Variants in ADCY10 observed in about 807,000 individuals in gnomAD.
ADCY10 encodes adenylate cyclase 10.
In ADCY10, 156 loss-of-function variants were observed where a neutral mutation model predicts 183.3. That is an observed-to-expected ratio of 0.85 (90% CI 0.75 to 0.97). ADCY10 has a LOEUF of 0.97. ADCY10 is among the 50% of genes least tolerant of loss of function. ADCY10 has a pLI of 0.00. For missense variants in ADCY10, 1,745 were observed against 1,934.3 expected, an observed-to-expected ratio of 0.90 and a Z score of 1.84; for synonymous variants, 645 against 670.0, an observed-to-expected ratio of 0.96 and a Z score of 0.58.
At chr1:167,856,718 G>A (rs965485325) in intron 16 of ADCY10, among the ~76,000 whole-genome samples, 3 of 152,172 alleles carry the variant, frequency 2.0e-5, no homozygotes, top group Admixed American at 2.0e-4. Context: ...GGAGTTTTAG[G>A]GGTACCCACA....
chr1:167,842,905 T>G (rs1179145548), intron 21 of ADCY10, among the ~76,000 whole-genome samples: 2 of 152,170 alleles, frequency 1.3e-5, no homozygotes, highest in African/African-American at 2.4e-5. Context: ...AACAGCTAAA[T>G]TAAAAATGTT....
In ADCY10 at chr1:167,905,599, T is replaced by TAAA. The variant is rs34148403; in HGVS notation, c.-58-404_-58-402dup. On this transcript the variant is annotated intron_variant, in intron 1 of 32. Coordinates refer to ENST00000367851, the MANE Select transcript of ADCY10 (RefSeq NM_018417.6). Reference sequence around the variant, plus strand: ...TTGGTCTTTTACTTTTTTCTCTCTTTAAAAAAAAAAAAAGTGTAGATGTGA... The same window carrying TAAA: ...TTGGTCTTTTACTTTTTTCTCTCTTTAAAAAAAAAAAAAAAAGTGTAGATGTGA... 5.0e-3 allele frequency among the ~76,000 whole-genome samples: 726 copies of TAAA among 145,882 alleles called. 5 individuals carry two copies. The highest frequency in any genetic ancestry group is 0.017 in the African/African-American group (679 of 39,972).
At chr1:167,908,188 T>C (rs1252889923) in intron 1 of ADCY10, among the ~76,000 whole-genome samples, 1 of 152,138 alleles carries the variant, frequency 6.6e-6, no homozygotes, top group African/African-American at 2.4e-5. Flanking sequence ...AAGAAAACAT[T>C]GGATAATGTA....
intron 3 of ADCY10, among the ~76,000 whole-genome samples, chr1:167,902,632 C>T (rs376570876): frequency 6.6e-6 from 1 of 152,206 alleles, no homozygotes; most frequent in Non-Finnish European, 1.5e-5. Flanking sequence ...AAGGAATCAA[C>T]CATAGTTCCT....
rs1268044767 is a variant in ADCY10 at position 167,833,070 on chromosome 1, G to A, written c.3510C>T (p.Ile1170=). The part of the protein sequence containing the change: ...LLNRIFPYNL[I]SLFLHIHVEK... ...CGACATGGATATGGAGAAACAAGGAGATTAAGTTGTAAGGAAAGATTCGGT... is the reference window on the plus strand; with the variant it reads ...CGACATGGATATGGAGAAACAAGGAAATTAAGTTGTAAGGAAAGATTCGGT... The change falls in exon 25 of 33, where the codon ATC becomes ATT. Residue 1170 remains isoleucine, a synonymous_variant. Transcript: ENST00000367851. 7.4e-6 allele frequency: 12 copies of A among 1,614,058 alleles called. No homozygotes were observed. In the African/African-American group the frequency reaches 1.5e-4, roughly 20 times the overall value.
chr1:167,837,525 C>G (rs546459018), intron 21 of ADCY10, among the ~76,000 whole-genome samples: 9 of 152,330 alleles, frequency 5.9e-5, no homozygotes, highest in Non-Finnish European at 1.3e-4. Flanking sequence ...TATGTCACCT[C>G]TAGGCTAAGA....
At chr1:167,909,303 C>T (rs2102478214) in intron 1 of ADCY10, among the ~76,000 whole-genome samples, 1 of 152,124 alleles carries the variant, frequency 6.6e-6, no homozygotes, top group Admixed American at 6.5e-5. Flanking sequence ...TGGGTTGTTC[C>T]CACTTTTAGA....
chr1:167,902,099 G>T, intron 3 of ADCY10, 45 bp from the exon 4 acceptor site: 2 of 1,570,634 alleles, frequency 1.3e-6, no homozygotes, highest in South Asian at 1.1e-5. Flanking sequence ...ATTCCTTAAA[G>T]GTAGTAAAAA....
intron 6 of ADCY10, 69 bp downstream of exon 6, chr1:167,899,354 G>T: frequency 6.7e-7 from 1 of 1,492,234 alleles, no homozygotes; most frequent in Non-Finnish European, 9.3e-7. Context: ...CGTGCCCAGT[G>T]ACTCTTCTGG....
At chr1:167,891,421 C>T (rs1668578529) in intron 8 of ADCY10, among the ~76,000 whole-genome samples, 1 of 151,764 alleles carries the variant, frequency 6.6e-6, no homozygotes, top group African/African-American at 2.4e-5. Context: ...CTTTGGGAGG[C>T]TGAGGCGGGA....
chr1:167,860,469 T>G (rs1458610014), intron 15 of ADCY10, among the ~76,000 whole-genome samples: 3 of 152,194 alleles, frequency 2.0e-5, no homozygotes, highest in African/African-American at 7.2e-5. Flanking sequence ...GGTTGCCTCC[T>G]GCTGTGTGGT....
intron 17 of ADCY10, among the ~76,000 whole-genome samples, 177 bp from the exon 18 acceptor site, chr1:167,854,666 CAAT>C (rs571364155): frequency 1.5e-3 from 233 of 152,254 alleles, no homozygotes; most frequent in African/African-American, 5.5e-3. Flanking sequence ...TGTGTGTACA[CAAT>C]AAGTGTGCAC....
intron 12 of ADCY10, among the ~76,000 whole-genome samples, chr1:167,877,760 T>A (rs894966330): frequency 1.3e-4 from 20 of 152,230 alleles, no homozygotes; most frequent in African/African-American, 4.3e-4. Context: ...GATGGGGAAT[T>A]CATAGAGGAA....
chr1:167,909,636 A>G (rs1022790628), intron 1 of ADCY10, among the ~76,000 whole-genome samples: 5 of 152,060 alleles, frequency 3.3e-5, no homozygotes, highest in African/African-American at 7.2e-5. Context: ...TCCTCTTCCA[A>G]TTGTGCCCCA....
chr1:167,814,559 A>G (rs1290249977), intron 31 of ADCY10, among the ~76,000 whole-genome samples: 1 of 152,074 alleles, frequency 6.6e-6, no homozygotes, highest in Non-Finnish European at 1.5e-5. Flanking sequence ...CAGTTCTATA[A>G]TAGTAGTTGG....
intron 1 of ADCY10, among the ~76,000 whole-genome samples, chr1:167,910,325 T>C (rs1328391738): frequency 6.6e-6 from 1 of 152,228 alleles, no homozygotes; most frequent in African/African-American, 2.4e-5. Context: ...CTGAAGTTCA[T>C]TGACCTCTTT....
chr1:167,819,004 T>C (rs1026719053), intron 30 of ADCY10, among the ~76,000 whole-genome samples: 2 of 152,208 alleles, frequency 1.3e-5, no homozygotes, highest in Non-Finnish European at 2.9e-5. Flanking sequence ...TTCTCATTAA[T>C]GCAGGTTCTC....
chr1:167,855,558 C>G (rs1327091295), intron 17 of ADCY10, among the ~76,000 whole-genome samples: 3 of 152,160 alleles, frequency 2.0e-5, no homozygotes, highest in Non-Finnish European at 4.4e-5. Context: ...CATAACAATG[C>G]TCTTAGTCAC....
intron 14 of ADCY10, among the ~76,000 whole-genome samples, chr1:167,863,596 G>A (rs940627360): frequency 2.6e-5 from 4 of 152,198 alleles, no homozygotes; most frequent in African/African-American, 9.6e-5. Flanking sequence ...TGACCGGGAA[G>A]CAAGGTGATT....
Sources: allele counts gnomAD v4.1 joint callset (sites outside exome capture counted in the v4.1 genomes callset), GRCh38; gene constraint gnomAD v4.1.1; transcripts MANE v1.5; gene names NCBI Gene and HGNC (gene_info 2026-07-23, HGNC 2026-07-21).